Variants in COL12A1 observed in about 807,000 individuals in gnomAD.
The protein encoded by COL12A1 is collagen alpha-1(XII) chain.
A neutral mutation model predicts 349.7 loss-of-function variants in COL12A1; 114 were observed. That is an observed-to-expected ratio of 0.33 (90% CI 0.28 to 0.38). The LOEUF (loss-of-function observed/expected upper bound fraction) is 0.38, where lower values mean the gene tolerates loss of function less well. Ranked by LOEUF, COL12A1 falls within the 10% of genes least tolerant of loss-of-function variation. The pLI is 1.00. For synonymous variants in COL12A1, 1,369 were observed against 1,329.0 expected, an observed-to-expected ratio of 1.03 and a Z score of -0.66; for missense variants, 3,284 against 3,756.9, an observed-to-expected ratio of 0.87 and a Z score of 3.29.
At chr6:75,160,038 G>A (rs1202844767) in intron 14 of COL12A1, among the ~76,000 whole-genome samples, 1 of 151,788 alleles carries the variant, frequency 6.6e-6, no homozygotes, top group Non-Finnish European at 1.5e-5. Flanking sequence ...TAGTTTTAAT[G>A]GGAAACTGGA....
intron 3 of COL12A1, 38 bp downstream of exon 3, chr6:75,194,793 T>C (rs767239635): frequency 1.5e-6 from 2 of 1,302,144 alleles, no homozygotes; most frequent in Non-Finnish European, 2.2e-6. Context: ...TATATCATCA[T>C]GATGCTTCTG....
chr6:75,097,170 G>A (rs1768083219), intron 59 of COL12A1, 83 bp downstream of exon 59: 3 of 1,110,002 alleles, frequency 2.7e-6, no homozygotes, highest in Non-Finnish European at 2.7e-6. Flanking sequence ...CAGATGGAAT[G>A]TGCTTCAAAG....
intron 52 of COL12A1, 69 bp downstream of exon 52, chr6:75,108,949 A>T (rs1007386442): frequency 9.0e-6 from 13 of 1,449,516 alleles, no homozygotes; most frequent in Non-Finnish European, 1.1e-5. Context: ...AAACTCAAGG[A>T]GTTGTTTAGA....
rs368174500 is a variant in COL12A1, at chr6:75,105,312, A to G, written c.8179-20T>C. ...ATCTCTCTGAAATTTTGAAAAGAAT[A>G]TTTACCTTTAAATTTAGAGGAAAAA... On this transcript the variant is annotated intron_variant, in intron 53 of 65. Coordinates refer to ENST00000322507, the MANE Select transcript of COL12A1 (RefSeq NM_004370.6). The G allele has an allele frequency of 1.3e-5, 21 of 1,596,122 alleles. No individual in the cohort carries two copies. The African/African-American group carries it at 2.7e-4, about 20-fold the overall frequency.
chr6:75,126,242 G>T, intron 39 of COL12A1, 109 bp downstream of exon 39: 1 of 1,270,382 alleles, frequency 7.9e-7, no homozygotes, highest in Non-Finnish European at 1.1e-6. Context: ...GAAACTTGGT[G>T]TGATCTGAAC....
chr6:75,104,276 C>T (rs1768439265), intron 54 of COL12A1, among the ~76,000 whole-genome samples: 5 of 152,074 alleles, frequency 3.3e-5, no homozygotes, highest in Admixed American at 2.6e-4. Flanking sequence ...CTCACTACTA[C>T]AGGGGAAAAA....
Position 75,152,177 on chromosome 6 carries a change from C to T in COL12A1, c.3789G>A (p.Leu1263=). 1 of 1,613,834 alleles carries T rather than the reference C, an allele frequency of 6.2e-7. No individual in the cohort carries two copies. Among genetic ancestry groups the T allele is most frequent in the Non-Finnish European group, 8.5e-7 (1 of 1,179,828 alleles). Residue 1263 remains leucine, a synonymous_variant, in exon 19 of 66, where the codon TTG becomes TTA. Coordinates refer to ENST00000322507, the MANE Select transcript of COL12A1 (RefSeq NM_004370.6). The part of the protein sequence containing the change: ...LNAHRDKKSL[L]QAVANLPYKG... ...TGTACGGCAAGTTTGCCACAGCTTG[C>T]AACAAGCTCTTCTTGTCTCTGTGTG...
intron 52 of COL12A1, among the ~76,000 whole-genome samples, chr6:75,108,248 T>C (rs1385153026): frequency 1.3e-5 from 2 of 151,306 alleles, no homozygotes; most frequent in Non-Finnish European, 2.9e-5. Flanking sequence ...CTCAGCTGAT[T>C]GGTTTTTTTT....
At chr6:75,185,541 GC>G (rs1226389419) in intron 8 of COL12A1, among the ~76,000 whole-genome samples, 2 of 152,150 alleles carry the variant, frequency 1.3e-5, no homozygotes, top group Non-Finnish European at 2.9e-5. Flanking sequence ...TGGCCATACT[GC>G]CAAAAGCAAT....
At chr6:75,163,843 A>G (rs1297619121) in intron 14 of COL12A1, among the ~76,000 whole-genome samples, 1 of 152,210 alleles carries the variant, frequency 6.6e-6, no homozygotes. Flanking sequence ...GACATTTTAA[A>G]TTCCAAATAA....
At chr6:75,177,275 A>G (rs900174832) in intron 12 of COL12A1, among the ~76,000 whole-genome samples, 4 of 151,998 alleles carry the variant, frequency 2.6e-5, no homozygotes. Context: ...TCTTTCTACT[A>G]AAAATACAAA....
At position 75,202,761 on chromosome 6, in the gene COL12A1, G is replaced by A. The variant is rs751589202; in HGVS notation, c.32C>T (p.Ala11Val). The part of the protein sequence containing the change: MRSRLPPALA[A>V]LGAALLLSSI... The stretch of plus-strand genomic sequence containing the variant: ...AGACAGGAGCAGGGCCGCGCCCAGG[G>A]CGGCAAGCGCTGGGGGAAGCCTACT... The change falls in exon 2 of 66, where the codon GCC becomes GTC. Residue 11 changes from alanine (A) to valine (V), a missense_variant. Transcript: ENST00000322507. 11 of 1,551,802 alleles carry A rather than the reference G, an allele frequency of 7.1e-6. No individual in the cohort carries two copies. Among genetic ancestry groups the A allele is most frequent in the Non-Finnish European group, 8.7e-6 (10 of 1,147,048 alleles).
intron 11 of COL12A1, 71 bp from the exon 12 acceptor site, chr6:75,178,006 A>C (rs1769061634): frequency 1.4e-6 from 2 of 1,388,940 alleles, no homozygotes; most frequent in Admixed American, 4.6e-5. Flanking sequence ...TACAAAAATT[A>C]CCTTTTTATT....
At chr6:75,104,386 T>C (rs999688014) in intron 54 of COL12A1, among the ~76,000 whole-genome samples, 4 of 152,198 alleles carry the variant, frequency 2.6e-5, no homozygotes, top group African/African-American at 9.7e-5. Flanking sequence ...GTAACCCCAG[T>C]GACATTTTGA....
intron 38 of COL12A1, 118 bp downstream of exon 38, chr6:75,128,177 GT>G: frequency 2.5e-6 from 2 of 788,448 alleles, no homozygotes; most frequent in Non-Finnish European, 1.9e-6. Context: ...TACAATATTA[GT>G]GTGGTATTTG....
chr6:75,150,660 G>A (rs1039264526), intron 21 of COL12A1, among the ~76,000 whole-genome samples: 1 of 152,038 alleles, frequency 6.6e-6, no homozygotes, highest in African/African-American at 2.4e-5. Context: ...CAAGAGTCTG[G>A]GAACAACCAT....
In COL12A1 at chr6:75,102,047, G is replaced by A. The variant is rs371949188; in HGVS notation, c.8421C>T (p.Arg2807=). The change falls in exon 57 of 66, where the codon CGC becomes CGT. Residue 2807 remains arginine (R), a synonymous_variant. Transcript: ENST00000322507. ...NGLSIPGEQG[R]QGMKGDAGEP... is the part of the protein sequence containing the mutation. ...CTCCAGCATCACCTTTCATCCCTTG[G>A]CGACCCTAGAGTGAGCAATGGGAAA... is the stretch of plus-strand genomic sequence containing the variant. 250 of 1,614,026 alleles carry A rather than the reference G, an allele frequency of 1.5e-4. 1 individual carries two copies. In the African/African-American group the frequency reaches 3.1e-3, roughly 20 times the overall value.
chr6:75,186,877 A>G (rs992955309), intron 8 of COL12A1, among the ~76,000 whole-genome samples: 1 of 152,138 alleles, frequency 6.6e-6, no homozygotes, highest in Non-Finnish European at 1.5e-5. Flanking sequence ...ACAGAAAACC[A>G]AATACCACAT....
chr6:75,146,540 C>G (rs190963653), intron 23 of COL12A1, among the ~76,000 whole-genome samples: 1 of 152,130 alleles, frequency 6.6e-6, no homozygotes, highest in Non-Finnish European at 1.5e-5. Context: ...CTTCCTGATA[C>G]GTTACTCTCT....
Sources: gnomAD v4.1 joint callset for allele counts (sites outside exome capture counted in the v4.1 genomes callset) on GRCh38, gnomAD v4.1.1 for gene constraint, MANE v1.5 for transcripts, NCBI Gene and HGNC (gene_info 2026-07-23, HGNC 2026-07-21) for gene names.